The following CAPZB variants were observed in gnomAD, a reference collection of about 807,000 sequenced individuals.
CAPZB encodes F-actin-capping protein subunit beta.
Under a neutral mutation model 38.1 loss-of-function variants are expected in CAPZB, and 2 were observed. That is an observed-to-expected ratio of 0.05 (90% CI 0.02 to 0.17). The LOEUF (loss-of-function observed/expected upper bound fraction) is 0.17. CAPZB is among the 10% of genes least tolerant of loss of function. The pLI is 1.00. For missense variants in CAPZB, 161 were observed against 334.2 expected, an observed-to-expected ratio of 0.48 and a Z score of 4.04; for synonymous variants, 107 against 127.4, an observed-to-expected ratio of 0.84 and a Z score of 1.08.
chr1:19,381,601 G>C (rs977787334), intron 3 of CAPZB, among the ~76,000 whole-genome samples: 8 of 151,814 alleles, frequency 5.3e-5, no homozygotes, highest in African/African-American at 1.9e-4. Context: ...GGAGCATCTT[G>C]CTCTGTCGCC....
chr1:19,462,179 G>A (rs533839132), intron 1 of CAPZB, among the ~76,000 whole-genome samples: 3 of 151,866 alleles, frequency 2.0e-5, no homozygotes, highest in East Asian at 3.9e-4. Flanking sequence ...AAGGCCAGGC[G>A]CGGTGGCTCA....
intron 1 of CAPZB, among the ~76,000 whole-genome samples, chr1:19,442,009 CA>C (rs11384902): frequency 2.1e-3 from 181 of 86,046 alleles, no homozygotes; most frequent in Middle Eastern, 8.2e-3. Flanking sequence ...ACTCTGTCTC[CA>C]AAAAAAAAAA....
intron 8 of CAPZB, among the ~76,000 whole-genome samples, chr1:19,341,793 C>G (rs930583105): frequency 1.2e-4 from 19 of 152,220 alleles, no homozygotes; most frequent in Admixed American, 6.5e-5. Context: ...CACACACAGA[C>G]CAGACTGGTG....
chr1:19,471,865 CAAAAAAAAAAAAAAAAAAAAAAAAAA>C (rs59289947), intron 1 of CAPZB, among the ~76,000 whole-genome samples: 7 of 134,488 alleles, frequency 5.2e-5, no homozygotes, highest in African/African-American at 8.9e-5. Flanking sequence ...GACTCCGTCT[CAAAAAAAAAAAAAAAAAAAAAAAAAA>C]AAAAAAAAAA....
chr1:19,359,762 G>A (rs755816830), intron 4 of CAPZB, among the ~76,000 whole-genome samples: 6 of 152,204 alleles, frequency 3.9e-5, no homozygotes, highest in African/African-American at 7.2e-5. Context: ...CCTTTCCTAC[G>A]AGAGGAAAAG....
intron 4 of CAPZB, among the ~76,000 whole-genome samples, chr1:19,373,044 G>A (rs757861671): frequency 1.7e-4 from 26 of 152,192 alleles, no homozygotes; most frequent in African/African-American, 5.8e-4. Flanking sequence ...AAACAAGGCT[G>A]TTTGGGTAGT....
intron 1 of CAPZB, among the ~76,000 whole-genome samples, chr1:19,474,714 G>C (rs1371034264): frequency 6.6e-6 from 1 of 152,148 alleles, no homozygotes; most frequent in Non-Finnish European, 1.5e-5. Context: ...AAATGGACCA[G>C]AAAATAAACA....
intron 1 of CAPZB, among the ~76,000 whole-genome samples, chr1:19,436,286 A>G (rs2094457918): frequency 6.6e-6 from 1 of 152,148 alleles, no homozygotes; most frequent in African/African-American, 2.4e-5. Context: ...TCCACACTGT[A>G]CAAGCTATGT....
chr1:19,342,318 G>A (rs56232689), intron 8 of CAPZB, among the ~76,000 whole-genome samples: 6,573 of 152,310 alleles, frequency 0.043, 470 homozygotes, highest in African/African-American at 0.15. Flanking sequence ...GCAATGTGCC[G>A]CTGAGCAGCG....
intron 1 of CAPZB, among the ~76,000 whole-genome samples, chr1:19,435,775 C>T (rs566352639): frequency 1.3e-5 from 2 of 152,092 alleles, no homozygotes; most frequent in Admixed American, 6.6e-5. Flanking sequence ...GACCCCAGAA[C>T]CTGTGTGCCT....
intron 1 of CAPZB, 151 bp from the exon 2 acceptor site, chr1:19,419,901 G>A: frequency 1.7e-6 from 1 of 593,690 alleles, no homozygotes; most frequent in South Asian, 2.1e-5. Flanking sequence ...CAGCAGCCTG[G>A]AGCGGGGGGC....
chr1:19,364,052 C>G (rs556941106), intron 4 of CAPZB, among the ~76,000 whole-genome samples: 1 of 152,212 alleles, frequency 6.6e-6, no homozygotes, highest in Non-Finnish European at 1.5e-5. Context: ...GCCTGAGATA[C>G]CTGTGACGCT....
chr1:19,351,130 A>G (rs2093989411), intron 6 of CAPZB, among the ~76,000 whole-genome samples: 1 of 151,300 alleles, frequency 6.6e-6, no homozygotes, highest in Admixed American at 6.6e-5. Flanking sequence ...TTACAGGTGC[A>G]TGCCACCACA....
intron 4 of CAPZB, among the ~76,000 whole-genome samples, chr1:19,364,424 G>C (rs2094071829): frequency 6.6e-6 from 1 of 152,172 alleles, no homozygotes; most frequent in Non-Finnish European, 1.5e-5. Flanking sequence ...TTTCTGTTCT[G>C]AACAACTGAG....
intron 8 of CAPZB, among the ~76,000 whole-genome samples, chr1:19,340,715 C>G (rs2093923333): frequency 6.6e-6 from 1 of 152,150 alleles, no homozygotes; most frequent in Admixed American, 6.6e-5. Flanking sequence ...AAGAAAAAAG[C>G]TATCAACCCA....
chr1:19,420,439 T>C (rs148299760), intron 1 of CAPZB, among the ~76,000 whole-genome samples: 13 of 152,288 alleles, frequency 8.5e-5, no homozygotes, highest in African/African-American at 2.6e-4. Flanking sequence ...TTTTTAAAGA[T>C]AGGGTCTTGC....
intron 6 of CAPZB, among the ~76,000 whole-genome samples, chr1:19,347,678 A>C (rs2093969408): frequency 6.6e-6 from 1 of 152,182 alleles, no homozygotes. Context: ...TCCTATCGAC[A>C]GTGTCAAGGG....
chr1:19,452,636 G>A (rs1052691562), intron 1 of CAPZB, among the ~76,000 whole-genome samples: 1 of 152,032 alleles, frequency 6.6e-6, no homozygotes, highest in Non-Finnish European at 1.5e-5. Flanking sequence ...CCCCAAGTGT[G>A]ATCTCACTGG....
At chr1:19,423,936 CA>C (rs1371798791) in intron 1 of CAPZB, among the ~76,000 whole-genome samples, 2 of 152,080 alleles carry the variant, frequency 1.3e-5, no homozygotes, top group Non-Finnish European at 2.9e-5. Context: ...CTCGGCCTCC[CA>C]AAGTGCTGGG....
Sources: allele counts gnomAD v4.1 joint callset (sites outside exome capture counted in the v4.1 genomes callset), GRCh38; gene constraint gnomAD v4.1.1; transcripts MANE v1.5; gene names NCBI Gene and HGNC (gene_info 2026-07-23, HGNC 2026-07-21).